The following TMEM108 variants were observed in gnomAD, a reference collection of about 807,000 sequenced individuals.
TMEM108 encodes cancer/testis antigen 124.
A neutral mutation model predicts 35.1 loss-of-function variants in TMEM108; 12 were observed. That is an observed-to-expected ratio of 0.34 (90% CI 0.22 to 0.55). The LOEUF (loss-of-function observed/expected upper bound fraction) is 0.55, where lower values mean the gene tolerates loss of function less well. Ranked by LOEUF, TMEM108 falls within the 20% of genes least tolerant of loss-of-function variation. The pLI is 0.89. For synonymous variants in TMEM108, 287 were observed against 308.6 expected, an observed-to-expected ratio of 0.93 and a Z score of 0.73; for missense variants, 680 against 753.3, an observed-to-expected ratio of 0.90 and a Z score of 1.14.
At chr3:133,091,885 T>C (rs867112219) in intron 2 of TMEM108, among the ~76,000 whole-genome samples, 8 of 152,138 alleles carry the variant, frequency 5.3e-5, no homozygotes, top group Non-Finnish European at 1.0e-4. Flanking sequence ...CAAACCATCA[T>C]GGTAGCATAA....
chr3:133,133,179 A>C (rs1944514153), intron 2 of TMEM108, among the ~76,000 whole-genome samples: 1 of 134,738 alleles, frequency 7.4e-6, no homozygotes, highest in African/African-American at 2.9e-5. Context: ...GCAGGGTTTG[A>C]GAGTATTGAC....
chr3:133,338,440 A>T (rs2071565875), intron 3 of TMEM108, among the ~76,000 whole-genome samples: 1 of 152,050 alleles, frequency 6.6e-6, no homozygotes, highest in African/African-American at 2.4e-5. Context: ...TTTATCCTAG[A>T]ATAGTGTATC....
chr3:133,289,906 C>A (rs1475460778), intron 3 of TMEM108, among the ~76,000 whole-genome samples: 2 of 152,104 alleles, frequency 1.3e-5, no homozygotes, highest in African/African-American at 4.8e-5. Context: ...TAAGCTGGCT[C>A]ACCCCCCTCA....
At position 133,073,766 on chromosome 3, in the gene TMEM108, C is replaced by T. The variant is rs1943707998; in HGVS notation, c.-47+27746C>T. On this transcript the variant is annotated intron_variant, in intron 2 of 5. Transcript: ENST00000321871. ...TTTCCATAGTCACTGTATTAATTTA[C>T]ATTCCCACCAACAGTGTACAAGAGT... is the stretch of plus-strand genomic sequence containing the variant. Among the ~76,000 whole-genome samples the T allele has an allele frequency of 2.0e-5, 3 of 151,734 alleles. No homozygotes were observed. The South Asian group carries it at 6.2e-4, about 32-fold the overall frequency.
At chr3:133,181,026 A>C (rs961465517) in intron 2 of TMEM108, among the ~76,000 whole-genome samples, 46 of 145,386 alleles carry the variant, frequency 3.2e-4, no homozygotes, top group African/African-American at 5.7e-4. Context: ...AAAAAAAAAA[A>C]AAAAAAAAAA....
chr3:133,046,455 CTTT>C (rs913309176), intron 2 of TMEM108, among the ~76,000 whole-genome samples: 55 of 152,306 alleles, frequency 3.6e-4, no homozygotes, highest in African/African-American at 1.3e-3. Flanking sequence ...TCATTAATCA[CTTT>C]TTTAGTGAAG....
At chr3:133,203,976 G>T (rs116318124) in intron 2 of TMEM108, among the ~76,000 whole-genome samples, 3 of 152,100 alleles carry the variant, frequency 2.0e-5, no homozygotes, top group African/African-American at 4.8e-5. Flanking sequence ...TTCAGACCTT[G>T]TTATTGGTCT....
intron 3 of TMEM108, among the ~76,000 whole-genome samples, chr3:133,241,967 AT>A (rs796171265): frequency 5.2e-4 from 79 of 151,886 alleles, no homozygotes; most frequent in African/African-American, 1.9e-3. Context: ...AAATAGTAGA[AT>A]TTTTTTTCAC....
rs754793340 is a variant in TMEM108, at chr3:133,381,016, C to T, written c.1305C>T (p.Pro435=). ...GCAATTTCCTCAACCGCCTGGTCCCCGCCGGGACCTGGAAGCCTGGGACAG... is the reference window on the plus strand; with the variant it reads ...GCAATTTCCTCAACCGCCTGGTCCCTGCCGGGACCTGGAAGCCTGGGACAG... ...ATGNFLNRLV[P]AGTWKPGTAG... is the part of the protein sequence containing the mutation. Residue 435 remains proline, a synonymous_variant, in exon 4 of 6, where the codon CCC becomes CCT. Transcript: ENST00000321871. 1.6e-5 allele frequency: 26 copies of T among 1,614,092 alleles called. No homozygotes were observed. The highest frequency in any genetic ancestry group is 5.0e-5 in the Admixed American group (3 of 60,000).
intron 3 of TMEM108, among the ~76,000 whole-genome samples, chr3:133,290,632 AAAAC>A (rs869184990): frequency 1.6e-4 from 24 of 152,246 alleles, no homozygotes; most frequent in African/African-American, 5.8e-4. Context: ...AAAAAAAAAC[AAAAC>A]AAACAAATAA....
At chr3:133,349,052 T>C (rs2071908220) in intron 3 of TMEM108, among the ~76,000 whole-genome samples, 1 of 152,088 alleles carries the variant, frequency 6.6e-6, no homozygotes, top group Non-Finnish European at 1.5e-5. Flanking sequence ...TTTTAAAGAC[T>C]AATATTACAG....
chr3:133,302,415 CTTTTTTTTT>C (rs927704510), intron 3 of TMEM108, among the ~76,000 whole-genome samples: 9 of 110,084 alleles, frequency 8.2e-5, no homozygotes, highest in East Asian at 3.1e-4. Context: ...TTCTTTCTTT[CTTTTTTTTT>C]TTTTTTTTTT....
At position 133,099,875 on chromosome 3, in the gene TMEM108, C is replaced by A. The variant is rs1041298139; in HGVS notation, c.-47+53855C>A. Among the ~76,000 whole-genome samples the A allele has an allele frequency of 3.3e-5, 5 of 152,336 alleles. No individual in the cohort carries two copies. The East Asian group carries it at 9.6e-4, about 29-fold the overall frequency. On this transcript the variant is annotated intron_variant, in intron 2 of 5. Coordinates refer to ENST00000321871, the MANE Select transcript of TMEM108 (RefSeq NM_023943.4). The stretch of plus-strand genomic sequence containing the variant: ...AGGCTCCAAACTTTCTCACATTTTT[C>A]TGTCTTCTTCTGAGCCCTCCAAAGT...
rs758347547 is a variant in TMEM108, at chr3:133,390,370, A to G, written c.1605+36A>G. The G allele has an allele frequency of 6.2e-6, 10 of 1,610,224 alleles. No individual in the cohort carries two copies. The African/African-American group carries it at 9.4e-5, about 15-fold the overall frequency. ...TGAAAGTGCTGGCCCCACTGCAGGG[A>G]AACCAGGTCCAAAGAGAGCCATGGG... On this transcript the variant is annotated intron_variant, in intron 5 of 5. Coordinates refer to ENST00000321871, the MANE Select transcript of TMEM108 (RefSeq NM_023943.4).
At chr3:133,271,589 T>G (rs1303452965) in intron 3 of TMEM108, among the ~76,000 whole-genome samples, 1 of 152,152 alleles carries the variant, frequency 6.6e-6, no homozygotes, top group Non-Finnish European at 1.5e-5. Context: ...GAATTAACAG[T>G]ATGGTGGCTT....
chr3:133,084,235 C>T (rs1287793341), intron 2 of TMEM108, among the ~76,000 whole-genome samples: 2 of 152,146 alleles, frequency 1.3e-5, no homozygotes, highest in Admixed American at 1.3e-4. Flanking sequence ...ATCCTACTAC[C>T]AGACTTGCCT....
chr3:133,207,185 T>TGCACC (rs1945769533), intron 2 of TMEM108, among the ~76,000 whole-genome samples: 1 of 152,158 alleles, frequency 6.6e-6, no homozygotes, highest in Admixed American at 6.5e-5. Flanking sequence ...TGCATTGGAA[T>TGCACC]GCACCGTTCC....
intron 2 of TMEM108, among the ~76,000 whole-genome samples, chr3:133,150,342 G>GTTTT (rs10663538): frequency 0.12 from 12,944 of 109,440 alleles, 1,244 homozygotes; most frequent in South Asian, 0.17. Flanking sequence ...AGGTTATTTG[G>GTTTT]TTTTTTTTTT....
rs1448958301 is a variant in TMEM108, at chr3:133,367,625, CA to C, written c.41-12126del. Among the ~76,000 whole-genome samples the C allele has an allele frequency of 2.6e-5, 4 of 152,250 alleles. No individual in the cohort carries two copies. In the East Asian group the frequency reaches 7.7e-4, roughly 29 times the overall value. On this transcript the variant is annotated intron_variant, in intron 3 of 5. Coordinates refer to ENST00000321871, the MANE Select transcript of TMEM108 (RefSeq NM_023943.4). ...AGGAGAGCAGGGCCAGACAGCTTTGCAGCCATCCAACAGAACCAAGTGAGAA... is the reference window on the plus strand; with the variant it reads ...AGGAGAGCAGGGCCAGACAGCTTTGCGCCATCCAACAGAACCAAGTGAGAA...
Sources: allele counts gnomAD v4.1 joint callset (sites outside exome capture counted in the v4.1 genomes callset), GRCh38; gene constraint gnomAD v4.1.1; transcripts MANE v1.5; gene names NCBI Gene and HGNC (gene_info 2026-07-23, HGNC 2026-07-21).